Variants in XYLB observed in about 807,000 individuals in gnomAD.
XYLB encodes the protein xylulose kinase.
A neutral mutation model predicts 78.7 loss-of-function variants in XYLB; 62 were observed. The ratio of observed to expected loss-of-function variants is 0.79; its 90% CI spans 0.64 to 0.97. The LOEUF (loss-of-function observed/expected upper bound fraction) is 0.97, where lower values mean the gene tolerates loss of function less well. XYLB is among the 50% of genes least tolerant of loss of function. The probability of loss-of-function intolerance (pLI) is 0.00; values close to 1 mark genes in which losing one functional copy is unlikely to be tolerated. For synonymous variants in XYLB, 245 were observed against 247.4 expected (o/e 0.99, Z 0.09); for missense variants, 687 against 676.8 (o/e 1.02, Z -0.17).
intron 15 of XYLB, among the ~76,000 whole-genome samples, chr3:38,388,949 T>C (rs1328524352): frequency 6.7e-6 from 1 of 149,670 alleles, no homozygotes; most frequent in Non-Finnish European, 1.5e-5. Context: ...ATAATTTTCT[T>C]TCTTTTTTTT....
At chr3:38,433,069 C>T in the XYLB span, among the ~76,000 whole-genome samples, 1 of 152,276 alleles carries the variant, frequency 6.6e-6, no homozygotes, top group African/African-American at 2.4e-5. Context: ...GCCTGGACAT[C>T]CATGCATTTC....
chr3:38,392,571 A>G (rs939503458), intron 15 of XYLB, among the ~76,000 whole-genome samples: 1 of 152,200 alleles, frequency 6.6e-6, no homozygotes, highest in African/African-American at 2.4e-5. Context: ...TGCTGGGATT[A>G]CAGGCGTGAG....
the XYLB span, among the ~76,000 whole-genome samples, chr3:38,440,663 G>A: frequency 2.6e-5 from 4 of 152,188 alleles, no homozygotes; most frequent in Admixed American, 6.5e-5. Context: ...TTTGGGCTAC[G>A]CTCTTGGTTA....
In XYLB at chr3:38,365,654, C is replaced by T; in HGVS notation, c.425C>T (p.Thr142Ile). The T allele has an allele frequency of 6.2e-7, 1 of 1,613,988 alleles. No homozygotes were observed. The change falls in exon 6 of 19, where the codon ACC becomes ATC. Residue 142 changes from threonine (T) to isoleucine (I), a missense_variant. Transcript: ENST00000207870. ...TGCCCGGTGTGGATGGACTCCAGCA[C>T]CACAGCCCAGTGCCGCCAGCTGGAG... is the stretch of plus-strand genomic sequence containing the variant. ...SDCPVWMDSS[T>I]TAQCRQLEAA...
Position 38,390,072 on chromosome 3 carries a change from T to C in XYLB, c.1292-5433T>C, listed in dbSNP as rs138905713. ...TTGATAGCTTCAAGCAAAAATATGATGCTCTGGTTGTTGTTGTTTATTCCA... is the reference window on the plus strand; with the variant it reads ...TTGATAGCTTCAAGCAAAAATATGACGCTCTGGTTGTTGTTGTTTATTCCA... On this transcript the variant is annotated intron_variant, in intron 15 of 18. Transcript: ENST00000207870. Among the ~76,000 whole-genome samples, 99 of 152,328 alleles carry C rather than the reference T, an allele frequency of 6.5e-4. 1 individual carries two copies. In the East Asian group the frequency reaches 0.016, roughly 25 times the overall value.
downstream of XYLB, among the ~76,000 whole-genome samples, chr3:38,422,211 T>G (rs879332079): frequency 4.3e-4 from 65 of 152,030 alleles, no homozygotes; most frequent in Non-Finnish European, 8.2e-4. Flanking sequence ...TTAAAAGGAG[T>G]ACAAGTACAA....
At chr3:38,347,684 A>G (rs1705144466) in intron 1 of XYLB, among the ~76,000 whole-genome samples, 1 of 152,146 alleles carries the variant, frequency 6.6e-6, no homozygotes, top group South Asian at 2.1e-4. Flanking sequence ...TCAAAAAAAA[A>G]AAAAGAAAAA....
the XYLB span, among the ~76,000 whole-genome samples, chr3:38,435,910 A>G: frequency 1.3e-5 from 2 of 152,210 alleles, no homozygotes; most frequent in African/African-American, 4.8e-5. Flanking sequence ...AAATATACCA[A>G]AATCTGTGGG....
downstream of XYLB, among the ~76,000 whole-genome samples, chr3:38,417,917 CGTGGTGTCTCAT>C (rs1708851403): frequency 6.7e-6 from 1 of 148,754 alleles, no homozygotes; most frequent in South Asian, 2.1e-4. Context: ...TCAGGCCGGG[CGTGGTGTCTCAT>C]GTCTGTAATC....
rs759148765 is a variant in XYLB, at chr3:38,412,994, C to T, written c.1592C>T (p.Thr531Ile). 27 of 1,602,978 alleles carry T rather than the reference C, an allele frequency of 1.7e-5. No homozygotes were observed. Among genetic ancestry groups the T allele is most frequent in the Non-Finnish European group, 2.3e-5 (27 of 1,176,172 alleles). Residue 531 changes from threonine to isoleucine, a missense_variant, in exon 19 of 19, where the codon ACC (threonine) becomes ATC (isoleucine). Coordinates refer to ENST00000207870, the MANE Select transcript of XYLB (RefSeq NM_005108.4). ...CTCGAGCAGAGAATCTTGTCTCAGA[C>T]CCGGGGGCCTCCGGAGTGAACAGGC... is the stretch of plus-strand genomic sequence containing the variant. ...AKLEQRILSQ[T>I]RGPPE
intron 7 of XYLB, among the ~76,000 whole-genome samples, chr3:38,367,134 G>A (rs1340669963): frequency 2.6e-5 from 4 of 152,224 alleles, no homozygotes; most frequent in Admixed American, 6.5e-5. Flanking sequence ...GGGGACTGAC[G>A]TGTTCCTGAG....
chr3:38,352,264 G>A (rs1228382295), intron 2 of XYLB, among the ~76,000 whole-genome samples: 1 of 152,014 alleles, frequency 6.6e-6, no homozygotes, highest in Non-Finnish European at 1.5e-5. Flanking sequence ...GAGTGCAGTG[G>A]CACGATCTCG....
At chr3:38,441,208 T>C in the XYLB span, among the ~76,000 whole-genome samples, 2 of 152,374 alleles carry the variant, frequency 1.3e-5, no homozygotes, top group East Asian at 3.9e-4. Flanking sequence ...TCTTTCCATA[T>C]TGCAGCATGG....
At chr3:38,432,646 A>T in the XYLB span, among the ~76,000 whole-genome samples, 1 of 152,252 alleles carries the variant, frequency 6.6e-6, no homozygotes, top group South Asian at 2.1e-4. Flanking sequence ...ACATTGGCCA[A>T]AACAAAGGGG....
intron 14 of XYLB, among the ~76,000 whole-genome samples, chr3:38,378,948 A>AT (rs1395653898): frequency 1.3e-5 from 2 of 151,802 alleles, no homozygotes; most frequent in African/African-American, 2.4e-5. Context: ...AATGTAACTT[A>AT]TTGAAGATTG....
At chr3:38,425,957 A>C (rs754573969), downstream of XYLB, among the ~76,000 whole-genome samples, 15 of 152,228 alleles carry the variant, frequency 9.9e-5, no homozygotes, top group Non-Finnish European at 1.6e-4. Context: ...GTAAGAACCC[A>C]AGAAGGAGTA....
At chr3:38,424,353 G>A (rs947746483), downstream of XYLB, among the ~76,000 whole-genome samples, 9 of 152,120 alleles carry the variant, frequency 5.9e-5, no homozygotes, top group African/African-American at 2.2e-4. Context: ...TATGATCCTG[G>A]AAAAATTTTT....
the XYLB span, among the ~76,000 whole-genome samples, chr3:38,449,212 T>A: frequency 9.2e-5 from 14 of 152,336 alleles, no homozygotes; most frequent in African/African-American, 3.4e-4. Flanking sequence ...AACCTCCACC[T>A]CCTGGGTTCA....
rs150086460 is a variant in XYLB at position 38,385,969 on chromosome 3, A to G, written c.1291+6627A>G. Among the ~76,000 whole-genome samples the G allele has an allele frequency of 5.9e-5, 9 of 152,316 alleles. No individual in the cohort carries two copies. The East Asian group carries it at 1.3e-3, about 23-fold the overall frequency. ...TATATATATACATATCCAAATATAT[A>G]TATGTCTGTATCAATACACACGTTA... On this transcript the variant is annotated intron_variant, in intron 15 of 18. Transcript: ENST00000207870.
Sources: gnomAD v4.1 joint callset for allele counts (sites outside exome capture counted in the v4.1 genomes callset) on GRCh38, gnomAD v4.1.1 for gene constraint, MANE v1.5 for transcripts, NCBI Gene and HGNC (gene_info 2026-07-23, HGNC 2026-07-21) for gene names.